Variants in KCTD1 observed in about 807,000 individuals in gnomAD.
The protein encoded by KCTD1 is BTB/POZ domain-containing protein KCTD1.
Under a neutral mutation model 66.0 loss-of-function variants are expected in KCTD1, and 24 were observed. That is an observed-to-expected ratio of 0.36 (90% confidence interval 0.26 to 0.51). KCTD1 has a LOEUF of 0.51. Among genes scored for constraint, KCTD1 ranks in the 20% least tolerant of loss-of-function variants. The probability of loss-of-function intolerance (pLI) is 0.95; values close to 1 mark genes in which losing one functional copy is unlikely to be tolerated. For synonymous variants in KCTD1, 511 were observed against 517.2 expected, an observed-to-expected ratio of 0.99 and a Z score of 0.16; for missense variants, 943 against 1,205.2, an observed-to-expected ratio of 0.78 and a Z score of 3.22.
intron 1 of KCTD1, among the ~76,000 whole-genome samples, chr18:26,620,348 TAAAAAAAAAAAAAAAAA>T (rs10594272): frequency 5.7e-5 from 5 of 87,206 alleles, no homozygotes; most frequent in African/African-American, 2.2e-4. Flanking sequence ...AGGTAAATCT[TAAAAAAAAAAAAAAAAA>T]AAAAAAAAAA....
chr18:26,475,392 G>A (rs1350390585), intron 3 of KCTD1, among the ~76,000 whole-genome samples: 1 of 152,198 alleles, frequency 6.6e-6, no homozygotes, highest in Non-Finnish European at 1.5e-5. Flanking sequence ...CAGGAACCTA[G>A]AATGTTCCTT....
At chr18:26,548,969 A>G (rs975798160), upstream of KCTD1, 14 of 985,296 alleles carry the variant, frequency 1.4e-5, no homozygotes, top group Non-Finnish European at 1.7e-5. Flanking sequence ...CGTTTCTCTA[A>G]GTAATGCCCG....
chr18:26,650,094 G>C (rs975310599), intron 1 of KCTD1, among the ~76,000 whole-genome samples: 3 of 152,116 alleles, frequency 2.0e-5, no homozygotes, highest in Non-Finnish European at 4.4e-5. Flanking sequence ...TAATCAAAAG[G>C]CAAAACAGGA....
intron 1 of KCTD1, among the ~76,000 whole-genome samples, chr18:26,571,083 C>CTA (rs1347561928): frequency 1.3e-5 from 2 of 152,194 alleles, no homozygotes; most frequent in African/African-American, 4.8e-5. Context: ...TCCTCCACTT[C>CTA]TACGGAATGT....
At chr18:26,568,048 T>C (rs1986023280) in intron 1 of KCTD1, among the ~76,000 whole-genome samples, 2 of 152,186 alleles carry the variant, frequency 1.3e-5, no homozygotes, top group Admixed American at 1.3e-4. Context: ...TTTTCTTCTC[T>C]GGCCATTGGA....
Position 26,575,007 on chromosome 18 carries a change from A to G in KCTD1, c.-16+54140T>C, listed in dbSNP as rs8090740. On this transcript the variant is annotated intron_variant, in intron 1 of 4. Coordinates refer to the KCTD1 transcript ENST00000317932. ...AACCATGGAGGAAATCTGTGAAATTATCCTGAGCAATTTTCTCCAGTGTAA... is the reference window on the plus strand; with the variant it reads ...AACCATGGAGGAAATCTGTGAAATTGTCCTGAGCAATTTTCTCCAGTGTAA... Among the ~76,000 whole-genome samples, 896 of 152,334 alleles carry G rather than the reference A, an allele frequency of 5.9e-3. 1 individual carries two copies. Among genetic ancestry groups the G allele is most frequent in the South Asian group, 0.018 (89 of 4,826 alleles).
At chr18:26,515,385 A>G (rs910112254) in intron 1 of KCTD1, among the ~76,000 whole-genome samples, 3 of 152,312 alleles carry the variant, frequency 2.0e-5, no homozygotes, top group African/African-American at 4.8e-5. Context: ...AACCTAGTTG[A>G]TTTAAAAGTT....
At chr18:26,637,285 C>A (rs1035789830) in intron 1 of KCTD1, among the ~76,000 whole-genome samples, 2 of 152,158 alleles carry the variant, frequency 1.3e-5, no homozygotes, top group Admixed American at 1.3e-4. Flanking sequence ...TTCTGAACCC[C>A]GGGCCAGATT....
At chr18:26,539,052 A>G (rs1424523734) in intron 1 of KCTD1, among the ~76,000 whole-genome samples, 1 of 152,240 alleles carries the variant, frequency 6.6e-6, no homozygotes, top group Non-Finnish European at 1.5e-5. Flanking sequence ...ATCACAGGTA[A>G]TAATGTGATT....
At chr18:26,593,305 AGAAG>A (rs1236035853) in intron 1 of KCTD1, among the ~76,000 whole-genome samples, 2 of 150,946 alleles carry the variant, frequency 1.3e-5, no homozygotes, top group African/African-American at 4.9e-5. Context: ...CAATATGAGG[AGAAG>A]GAAGAGGAGG....
chr18:26,615,579 C>A (rs899517391), intron 1 of KCTD1, among the ~76,000 whole-genome samples: 1 of 152,146 alleles, frequency 6.6e-6, no homozygotes, highest in African/African-American at 2.4e-5. Context: ...TTTGGGTGGT[C>A]TCCTCCAGCC....
At chr18:26,519,324 T>C (rs1983805956) in intron 1 of KCTD1, among the ~76,000 whole-genome samples, 1 of 152,354 alleles carries the variant, frequency 6.6e-6, no homozygotes, top group African/African-American at 2.4e-5. Context: ...ATGGCAAATA[T>C]GCAAAAGATG....
chr18:26,581,667 T>C (rs1430140654), intron 1 of KCTD1: 3 of 152,106 alleles, frequency 2.0e-5, no homozygotes, highest in African/African-American at 7.2e-5. Flanking sequence ...TCCCAGCTAC[T>C]GGGGAAGCTG....
At chr18:26,507,825 C>T (rs1349012320) in intron 1 of KCTD1, among the ~76,000 whole-genome samples, 1 of 151,948 alleles carries the variant, frequency 6.6e-6, no homozygotes, top group Non-Finnish European at 1.5e-5. Flanking sequence ...GCAGGCAGGA[C>T]GATGACAAAG....
intron 3 of KCTD1, among the ~76,000 whole-genome samples, chr18:26,475,715 G>T (rs889829054): frequency 1.3e-5 from 2 of 152,064 alleles, no homozygotes; most frequent in Non-Finnish European, 2.9e-5. Flanking sequence ...AGCTAGGCGT[G>T]GTGGTGGGCA....
chr18:26,607,146 G>A (rs1987035431), intron 1 of KCTD1, among the ~76,000 whole-genome samples: 1 of 152,128 alleles, frequency 6.6e-6, no homozygotes, highest in Non-Finnish European at 1.5e-5. Context: ...GCAATCCTCT[G>A]ACTTCAGCCT....
chr18:26,558,846 C>T (rs979102955), intron 1 of KCTD1, among the ~76,000 whole-genome samples: 1 of 152,024 alleles, frequency 6.6e-6, no homozygotes, highest in African/African-American at 2.4e-5. Flanking sequence ...TCGTTTGAAT[C>T]TGGGAGGTGG....
In KCTD1 at chr18:26,514,608, T is replaced by C. The variant is rs566708790; in HGVS notation, c.1810-13358A>G. Among the ~76,000 whole-genome samples the C allele has an allele frequency of 4.9e-4, 74 of 150,778 alleles. 1 individual carries two copies. Among genetic ancestry groups the C allele is most frequent in the Admixed American group, 1.6e-3 (25 of 15,158 alleles). On this transcript the variant is annotated intron_variant, in intron 1 of 4. Transcript: ENST00000580059. ...GAGATGTTGGAAGGAAGTAGTGTCA[T>C]GTTTACACCCAGACCTAATGGGTCA...
intron 1 of KCTD1, among the ~76,000 whole-genome samples, chr18:26,556,886 G>A (rs938545466): frequency 3.3e-5 from 5 of 152,152 alleles, no homozygotes; most frequent in Admixed American, 1.3e-4. Flanking sequence ...ACATTTGGGT[G>A]TTATTTCTGT....
Sources: gnomAD v4.1 joint callset for allele counts (sites outside exome capture counted in the v4.1 genomes callset) on GRCh38, gnomAD v4.1.1 for gene constraint, MANE v1.5 for transcripts, NCBI Gene and HGNC (gene_info 2026-07-23, HGNC 2026-07-21) for gene names.